CADM2: variants seen among roughly 807,000 people sequenced by gnomAD.
The protein encoded by CADM2 is cell adhesion molecule 2.
CADM2 carries 12 observed loss-of-function variants against 49.8 expected under a neutral mutation model. The observed-to-expected ratio is 0.24, with a 90% CI of 0.15 to 0.39. The LOEUF is 0.39. Ranked by LOEUF, CADM2 falls within the 10% of genes least tolerant of loss-of-function variation. The pLI, the probability that CADM2 is intolerant of heterozygous loss-of-function variation, is 1.00. For missense variants in CADM2, 378 were observed against 492.3 expected (o/e 0.77, Z 2.20); for synonymous variants, 214 against 175.4 (o/e 1.22, Z -1.74).
intron 6 of CADM2, among the ~76,000 whole-genome samples, chr3:85,922,828 G>GTTT (rs34787908): frequency 6.9e-6 from 1 of 145,416 alleles, no homozygotes; most frequent in Admixed American, 6.9e-5. Context: ...ATTTTTTGTT[G>GTTT]TTTTTTTTTT....
At chr3:85,138,337 G>A (rs1342670914) in intron 1 of CADM2, among the ~76,000 whole-genome samples, 2 of 152,148 alleles carry the variant, frequency 1.3e-5, no homozygotes, top group Non-Finnish European at 2.9e-5. Context: ...TACCCTCAAA[G>A]AGGTGAGAAA....
chr3:85,002,137 C>A (rs1299187455), intron 1 of CADM2, among the ~76,000 whole-genome samples: 2 of 152,000 alleles, frequency 1.3e-5, no homozygotes, highest in Non-Finnish European at 2.9e-5. Flanking sequence ...GTAGCAACAT[C>A]ATTTCTTAAT....
intron 1 of CADM2, among the ~76,000 whole-genome samples, chr3:85,679,358 G>C (rs910662002): frequency 6.6e-6 from 1 of 152,130 alleles, no homozygotes; most frequent in Non-Finnish European, 1.5e-5. Flanking sequence ...AGGGGGAATG[G>C]ACTAGAGTGA....
At chr3:85,432,823 T>C (rs1419375455) in intron 1 of CADM2, among the ~76,000 whole-genome samples, 5 of 152,134 alleles carry the variant, frequency 3.3e-5, no homozygotes, top group Middle Eastern at 6.3e-3. Context: ...GTATATAAAC[T>C]AAGTTTTGAA....
In CADM2 at chr3:85,698,202, C is replaced by G. The variant is rs540567985; in HGVS notation, c.62-28320C>G. Among the ~76,000 whole-genome samples, 61 of 152,106 alleles carry G rather than the reference C, an allele frequency of 4.0e-4. 3 individuals carry two copies. Among genetic ancestry groups the G allele is most frequent in the Non-Finnish European group, 2.9e-5 (2 of 68,028 alleles). The stretch of plus-strand genomic sequence containing the variant: ...TTCTTATGGCATCAGTTGAAATCAC[C>G]TACTGATAGTCAGCTGTCAGAGGGG... On this transcript the variant is annotated intron_variant, in intron 1 of 9. Coordinates refer to ENST00000383699, the MANE Select transcript of CADM2 (RefSeq NM_001167675.2).
chr3:85,594,350 T>C (rs935015091), intron 1 of CADM2, among the ~76,000 whole-genome samples: 7 of 151,714 alleles, frequency 4.6e-5, no homozygotes, highest in African/African-American at 1.7e-4. Flanking sequence ...CTGAAATTAT[T>C]TATTTATTTA....
rs191248839 is a variant in CADM2 at position 86,043,031 on chromosome 3, C to A, written c.971-22574C>A. Among the ~76,000 whole-genome samples the A allele has an allele frequency of 2.0e-3, 297 of 152,234 alleles. 1 individual carries two copies. The highest frequency in any genetic ancestry group is 6.5e-3 in the African/African-American group (272 of 41,532). On this transcript the variant is annotated intron_variant, in intron 8 of 9. Transcript: ENST00000383699. ...AAGGCCTTTGATAAAATTCAACAGC[C>A]CTTCATGCTAAAAACTCGCAATAAA...
intron 1 of CADM2, among the ~76,000 whole-genome samples, chr3:85,601,593 T>C (rs1202309139): frequency 6.6e-6 from 1 of 151,584 alleles, no homozygotes; most frequent in Non-Finnish European, 1.5e-5. Context: ...ACAAAATCTT[T>C]ACTCAGCTTT....
At chr3:85,769,638 T>C (rs1027450424) in intron 2 of CADM2, among the ~76,000 whole-genome samples, 6 of 132,330 alleles carry the variant, frequency 4.5e-5, no homozygotes, top group Non-Finnish European at 9.2e-5. Context: ...TATATACACA[T>C]ATATACATAT....
Position 85,018,055 on chromosome 3 carries a change from T to G in CADM2, c.61+58387T>G, listed in dbSNP as rs550318535. 2.6e-5 allele frequency among the ~76,000 whole-genome samples: 4 copies of G among 152,302 alleles called. No homozygotes were observed. In the South Asian group the frequency reaches 8.3e-4, roughly 32 times the overall value. ...TTTCAATTCCTAGTAACCTTCTAGT[T>G]AGACAGAAATAGACATTTTCACTTA... On this transcript the variant is annotated intron_variant, in intron 1 of 9. Transcript: ENST00000383699.
chr3:85,293,388 A>T (rs912639251), intron 1 of CADM2, among the ~76,000 whole-genome samples: 3 of 149,102 alleles, frequency 2.0e-5, no homozygotes, highest in African/African-American at 7.5e-5. Context: ...ATTCCTTCTG[A>T]AACTATTCCA....
chr3:85,895,318 A>G (rs1030652200), intron 5 of CADM2, among the ~76,000 whole-genome samples: 2 of 152,190 alleles, frequency 1.3e-5, no homozygotes, highest in African/African-American at 4.8e-5. Context: ...GAGCTTTAAG[A>G]TTTGGCTGTC....
At chr3:86,004,827 G>C (rs1730586297) in intron 8 of CADM2, among the ~76,000 whole-genome samples, 1 of 152,164 alleles carries the variant, frequency 6.6e-6, no homozygotes, top group Non-Finnish European at 1.5e-5. Flanking sequence ...TTGGACTGAA[G>C]TTCAGTGGTA....
chr3:85,074,227 T>C (rs1454538355), intron 1 of CADM2, among the ~76,000 whole-genome samples: 2 of 152,090 alleles, frequency 1.3e-5, no homozygotes, highest in South Asian at 2.1e-4. Context: ...TTAGAGCCTT[T>C]GTACTATTTC....
intron 1 of CADM2, among the ~76,000 whole-genome samples, chr3:85,573,093 G>A (rs1361775617): frequency 1.3e-5 from 2 of 151,898 alleles, no homozygotes; most frequent in Admixed American, 6.6e-5. Flanking sequence ...AGGGTATTTC[G>A]ACAAAAATAG....
intron 1 of CADM2, among the ~76,000 whole-genome samples, chr3:85,206,873 T>C (rs1485510109): frequency 6.6e-6 from 1 of 152,136 alleles, no homozygotes. Flanking sequence ...ATTAGTAATA[T>C]TTTTATTAAA....
chr3:85,591,531 T>C (rs1239322811), intron 1 of CADM2, among the ~76,000 whole-genome samples: 4 of 152,032 alleles, frequency 2.6e-5, no homozygotes, highest in African/African-American at 9.7e-5. Flanking sequence ...CCATCACTTA[T>C]AATTTGTGAA....
intron 1 of CADM2, among the ~76,000 whole-genome samples, chr3:84,978,775 A>T (rs1481968993): frequency 6.6e-6 from 1 of 152,228 alleles, no homozygotes; most frequent in Admixed American, 6.6e-5. Flanking sequence ...TGAAAACAAT[A>T]AAACCAAACA....
At chr3:85,418,970 G>GAAAAA (rs145250965) in intron 1 of CADM2, among the ~76,000 whole-genome samples, 1 of 150,624 alleles carries the variant, frequency 6.6e-6, no homozygotes. Flanking sequence ...TTTGAGAGGG[G>GAAAAA]AAAAAAAAAT....
Sources: gnomAD v4.1 joint callset for allele counts (sites outside exome capture counted in the v4.1 genomes callset) on GRCh38, gnomAD v4.1.1 for gene constraint, MANE v1.5 for transcripts, NCBI Gene and HGNC (gene_info 2026-07-23, HGNC 2026-07-21) for gene names.